FAM107B: variants seen among roughly 807,000 people sequenced by gnomAD.
FAM107B encodes family with sequence similarity 107 member B.
Under a neutral mutation model 31.5 loss-of-function variants are expected in FAM107B, and 21 were observed. That is an observed-to-expected ratio of 0.67 (90% confidence interval 0.47 to 0.96). The LOEUF is 0.96. Among genes scored for constraint, FAM107B ranks in the 40% least tolerant of loss-of-function variants. FAM107B has a pLI of 0.00. For missense variants in FAM107B, 452 were observed against 377.1 expected (o/e 1.20, Z -1.64); for synonymous variants, 157 against 141.5 (o/e 1.11, Z -0.78).
chr10:14,773,195 A>T (rs1343075888), intron 1 of FAM107B, among the ~76,000 whole-genome samples: 5 of 152,216 alleles, frequency 3.3e-5, no homozygotes, highest in Admixed American at 6.5e-5. Flanking sequence ...CGACAGACCC[A>T]AGCTTCAGTC....
intron 2 of FAM107B, among the ~76,000 whole-genome samples, chr10:14,575,906 C>T (rs1288724488): frequency 2.0e-5 from 3 of 152,184 alleles, no homozygotes; most frequent in African/African-American, 7.2e-5. Context: ...AGGCATTTTT[C>T]AGCCTTAAAA....
At chr10:14,724,743 T>C (rs1374450445) in intron 1 of FAM107B, among the ~76,000 whole-genome samples, 2 of 150,652 alleles carry the variant, frequency 1.3e-5, no homozygotes, top group East Asian at 1.9e-4. Flanking sequence ...AACCCACTAA[T>C]AGTGAGGACA....
At position 14,677,543 on chromosome 10, in the gene FAM107B, C is replaced by A. The variant is rs550899004; in HGVS notation, c.412-9852G>T. Among the ~76,000 whole-genome samples, 222 of 152,230 alleles carry A rather than the reference C, an allele frequency of 1.5e-3. 1 individual carries two copies. The highest frequency in any genetic ancestry group is 5.1e-4 in the Non-Finnish European group (35 of 68,010). ...GGCTGAGGCAGGAGAATGGCGCGAA[C>A]CCGGGAGGCGGAGCTTGCAGTGAGC... On this transcript the variant is annotated intron_variant, in intron 1 of 4. Transcript: ENST00000181796.
intron 1 of FAM107B, among the ~76,000 whole-genome samples, chr10:14,728,393 A>G (rs1194457838): frequency 6.6e-6 from 1 of 151,454 alleles, no homozygotes; most frequent in Non-Finnish European, 1.5e-5. Flanking sequence ...ACTATTTTTG[A>G]AAATAAAGCC....
At chr10:14,624,001 A>G (rs1276778677) in intron 2 of FAM107B, among the ~76,000 whole-genome samples, 1 of 152,208 alleles carries the variant, frequency 6.6e-6, no homozygotes, top group Non-Finnish European at 1.5e-5. Context: ...CATTTGTTAC[A>G]AAGCCTTCTC....
chr10:14,550,553 G>A (rs1849160087), intron 2 of FAM107B, among the ~76,000 whole-genome samples: 1 of 152,184 alleles, frequency 6.6e-6, no homozygotes, highest in South Asian at 2.1e-4. Context: ...TATGACTCAG[G>A]GAAAGAACAG....
At chr10:14,631,531 G>GTGACCATT (rs2131418597) in intron 2 of FAM107B, among the ~76,000 whole-genome samples, 1 of 152,312 alleles carries the variant, frequency 6.6e-6, no homozygotes, top group East Asian at 1.9e-4. Flanking sequence ...AGAATTGACT[G>GTGACCATT]TGACCATTTG....
intron 2 of FAM107B, among the ~76,000 whole-genome samples, chr10:14,638,024 T>G (rs926613772): frequency 6.6e-6 from 1 of 152,182 alleles, no homozygotes; most frequent in African/African-American, 2.4e-5. Flanking sequence ...TATGTTGTGC[T>G]TTTTGTCACT....
At chr10:14,604,592 G>T (rs1173780040) in intron 2 of FAM107B, among the ~76,000 whole-genome samples, 4 of 151,830 alleles carry the variant, frequency 2.6e-5, no homozygotes, top group Admixed American at 2.6e-4. Flanking sequence ...GGGCTGCAGC[G>T]CTCGGCCTCC....
chr10:14,753,592 G>A (rs1189478876), intron 1 of FAM107B, among the ~76,000 whole-genome samples: 1 of 152,150 alleles, frequency 6.6e-6, no homozygotes, highest in Non-Finnish European at 1.5e-5. Flanking sequence ...GTTTTCCTCA[G>A]ATCCATTATG....
At chr10:14,678,323 G>A (rs965488931) in intron 1 of FAM107B, among the ~76,000 whole-genome samples, 1 of 151,984 alleles carries the variant, frequency 6.6e-6, no homozygotes. Flanking sequence ...TGGGATGGTG[G>A]GTATGTGTTT....
chr10:14,673,770 C>T (rs961184714), intron 1 of FAM107B, among the ~76,000 whole-genome samples: 1 of 151,996 alleles, frequency 6.6e-6, no homozygotes, highest in African/African-American at 2.4e-5. Context: ...TCCTTTTCGG[C>T]GTTTGTTATT....
At chr10:14,537,449 T>C (rs1847737239) in intron 2 of FAM107B, among the ~76,000 whole-genome samples, 1 of 152,204 alleles carries the variant, frequency 6.6e-6, no homozygotes, top group Non-Finnish European at 1.5e-5. Context: ...CCTCACTTGC[T>C]CTAAGTGTGA....
intron 1 of FAM107B, among the ~76,000 whole-genome samples, chr10:14,758,268 A>T (rs1832969136): frequency 6.6e-6 from 1 of 152,144 alleles, no homozygotes; most frequent in African/African-American, 2.4e-5. Context: ...TTCCTTAAGG[A>T]ATTTAGAAAA....
Position 14,521,309 on chromosome 10 carries a change from A to G in FAM107B, c.805-3T>C. On this transcript the variant is annotated splice_polypyrimidine_tract_variant and splice_region_variant and intron_variant, in intron 4 of 4. Coordinates refer to ENST00000181796, the MANE Select transcript of FAM107B (RefSeq NM_031453.4). ...AATTTCTGCTTCTCAAGTTCAAGCT[A>G]AATGACATTCAGAAAAGGAAAAATT... 6.2e-7 allele frequency: 1 copy of G among 1,612,346 alleles called. No individual in the cohort carries two copies. The highest frequency in any genetic ancestry group is 1.1e-5 in the South Asian group (1 of 90,920).
chr10:14,760,584 C>A (rs1227585036), intron 1 of FAM107B, among the ~76,000 whole-genome samples: 1 of 149,488 alleles, frequency 6.7e-6, no homozygotes, highest in African/African-American at 2.6e-5. Flanking sequence ...AGCATATTGC[C>A]AAGAAGAGAT....
At chr10:14,747,955 C>T (rs1013838874) in intron 1 of FAM107B, among the ~76,000 whole-genome samples, 1 of 152,228 alleles carries the variant, frequency 6.6e-6, no homozygotes, top group Non-Finnish European at 1.5e-5. Flanking sequence ...CACCAAGTTC[C>T]TTGCAACCAC....
At chr10:14,754,999 C>T (rs896695169) in intron 1 of FAM107B, among the ~76,000 whole-genome samples, 1 of 152,154 alleles carries the variant, frequency 6.6e-6, no homozygotes, top group African/African-American at 2.4e-5. Flanking sequence ...TCTCTGCTTA[C>T]CAGGGCCAGG....
intron 1 of FAM107B, among the ~76,000 whole-genome samples, chr10:14,732,857 ATAT>A (rs1856205877): frequency 2.0e-5 from 3 of 146,994 alleles, no homozygotes; most frequent in South Asian, 2.1e-4. Flanking sequence ...GAATACATTA[ATAT>A]TATATTAATA....
Sources: allele counts gnomAD v4.1 joint callset (sites outside exome capture counted in the v4.1 genomes callset), GRCh38; gene constraint gnomAD v4.1.1; transcripts MANE v1.5; gene names NCBI Gene and HGNC (gene_info 2026-07-23, HGNC 2026-07-21).